Variants in SOX5 observed in about 807,000 individuals in gnomAD.
The protein encoded by SOX5 is SRY-box transcription factor 5.
Under a neutral mutation model 92.0 loss-of-function variants are expected in SOX5, and 9 were observed. The ratio of observed to expected loss-of-function variants is 0.10; its 90% CI spans 0.06 to 0.17. The LOEUF is 0.17. Ranked by LOEUF, SOX5 falls within the 10% of genes least tolerant of loss-of-function variation. The pLI is 1.00. For missense variants in SOX5, 642 were observed against 944.5 expected (o/e 0.68, Z 4.20); for synonymous variants, 344 against 336.3 (o/e 1.02, Z -0.25).
chr12:23,622,272 A>G (rs888328533), intron 8 of SOX5, among the ~76,000 whole-genome samples: 5 of 151,952 alleles, frequency 3.3e-5, no homozygotes, highest in Non-Finnish European at 5.9e-5. Context: ...TCATTTTATG[A>G]CTGCAAATGA....
rs1949969773 is a variant in SOX5 at position 24,134,813 on chromosome 12, A to G, written c.-2+78530T>C. Among the ~76,000 whole-genome samples the G allele has an allele frequency of 2.0e-5, 3 of 152,214 alleles. No homozygotes were observed. In the South Asian group the frequency reaches 6.2e-4, roughly 32 times the overall value. On this transcript the variant is annotated intron_variant, in intron 4 of 4. Transcript: ENST00000446891. ...ATTTATTTGAGATTCACTTTTAAAC[A>G]CTGAACATAAGGAGAACAGTATTCT... is the stretch of plus-strand genomic sequence containing the variant.
chr12:23,940,667 A>G (rs1943453889), intron 1 of SOX5, among the ~76,000 whole-genome samples: 1 of 151,192 alleles, frequency 6.6e-6, no homozygotes, highest in South Asian at 2.1e-4. Flanking sequence ...CATTTCCAAA[A>G]GAATCAATGA....
intron 4 of SOX5, among the ~76,000 whole-genome samples, chr12:24,050,234 T>C (rs908474445): frequency 2.0e-5 from 3 of 152,058 alleles, no homozygotes; most frequent in African/African-American, 7.2e-5. Context: ...GGTAGAAAAA[T>C]CACCAGTCAT....
intron 4 of SOX5, among the ~76,000 whole-genome samples, chr12:23,987,447 A>T (rs1592097607): frequency 6.6e-6 from 1 of 152,174 alleles, no homozygotes; most frequent in East Asian, 1.9e-4. Context: ...GCTGGAGCAT[A>T]GTAGGGTAGC....
At chr12:24,252,041 T>C (rs1258809890) in intron 3 of SOX5, among the ~76,000 whole-genome samples, 1 of 152,122 alleles carries the variant, frequency 6.6e-6, no homozygotes, top group Admixed American at 6.5e-5. Flanking sequence ...CTGCAAATCT[T>C]AATCATTTTT....
rs185530564 is a variant in SOX5, at chr12:24,081,573, C to T, written c.-2+131770G>A. Among the ~76,000 whole-genome samples the T allele has an allele frequency of 1.4e-3, 208 of 151,930 alleles. 1 individual carries two copies. The highest frequency in any genetic ancestry group is 2.3e-3 in the Non-Finnish European group (153 of 67,882). ...ATCACATTCCTTTATTTTTTTTCCT[C>T]CGTAGGACCTTTATTAAATTAGTTC... On this transcript the variant is annotated intron_variant, in intron 4 of 4. Coordinates refer to the SOX5 transcript ENST00000446891.
chr12:24,012,122 T>G (rs1485216844), intron 4 of SOX5, among the ~76,000 whole-genome samples: 1 of 47,048 alleles, frequency 2.1e-5, no homozygotes. Context: ...AATTGCTGAC[T>G]TCAGCAGAAA....
intron 4 of SOX5, among the ~76,000 whole-genome samples, chr12:23,957,322 AG>A (rs1186365465): frequency 6.6e-6 from 1 of 152,164 alleles, no homozygotes; most frequent in East Asian, 1.9e-4. Flanking sequence ...TTTATGACTA[AG>A]TTCATCTATT....
At chr12:24,391,436 T>A (rs1958980856) in intron 1 of SOX5, among the ~76,000 whole-genome samples, 2 of 152,150 alleles carry the variant, frequency 1.3e-5, no homozygotes, top group African/African-American at 4.8e-5. Flanking sequence ...AACTTTTACT[T>A]TCTTCAACTT....
intron 1 of SOX5, among the ~76,000 whole-genome samples, chr12:24,522,886 T>C (rs1030004015): frequency 2.0e-5 from 3 of 152,112 alleles, no homozygotes; most frequent in Non-Finnish European, 4.4e-5. Flanking sequence ...CCACTTTCAT[T>C]TAACATAGTA....
chr12:23,956,632 T>A (rs1179827608), intron 4 of SOX5, among the ~76,000 whole-genome samples: 1 of 152,082 alleles, frequency 6.6e-6, no homozygotes, highest in Non-Finnish European at 1.5e-5. Context: ...ACTGCTGCAC[T>A]AAGGGAGCCT....
intron 4 of SOX5, among the ~76,000 whole-genome samples, chr12:23,977,251 T>C (rs987444442): frequency 6.6e-6 from 1 of 152,180 alleles, no homozygotes; most frequent in African/African-American, 2.4e-5. Flanking sequence ...TAAGGAAACA[T>C]AATTTTGGAA....
intron 3 of SOX5, among the ~76,000 whole-genome samples, chr12:23,779,616 G>A (rs965569016): frequency 6.6e-6 from 1 of 150,922 alleles, no homozygotes; most frequent in Non-Finnish European, 1.5e-5. Flanking sequence ...AAACTAAATT[G>A]TTCATGGTTT....
intron 8 of SOX5, among the ~76,000 whole-genome samples, chr12:23,618,694 C>T (rs770996469): frequency 6.6e-6 from 1 of 152,110 alleles, no homozygotes; most frequent in African/African-American, 2.4e-5. Context: ...AGATGAAAAA[C>T]GAATTGAACA....
At chr12:24,498,605 T>G (rs1472312828) in intron 1 of SOX5, among the ~76,000 whole-genome samples, 1 of 152,224 alleles carries the variant, frequency 6.6e-6, no homozygotes, top group Non-Finnish European at 1.5e-5. Flanking sequence ...ATATACTGAC[T>G]GCCTCCTATC....
At chr12:24,197,858 T>C (rs1285544176) in intron 4 of SOX5, among the ~76,000 whole-genome samples, 2 of 152,148 alleles carry the variant, frequency 1.3e-5, no homozygotes, top group African/African-American at 4.8e-5. Context: ...CTGAATACAA[T>C]TGCTAAGTGA....
At chr12:23,598,683 G>A (rs1952907760) in intron 9 of SOX5, among the ~76,000 whole-genome samples, 2 of 152,016 alleles carry the variant, frequency 1.3e-5, no homozygotes, top group Admixed American at 6.5e-5. Context: ...ACAGGTGTGA[G>A]CCAACGCACC....
At chr12:23,688,275 A>T (rs928293642) in intron 6 of SOX5, among the ~76,000 whole-genome samples, 3 of 152,050 alleles carry the variant, frequency 2.0e-5, no homozygotes, top group Admixed American at 6.6e-5. Flanking sequence ...TTTTTTAGAC[A>T]TGTGACAACA....
At chr12:23,902,468 A>T (rs2097245710) in intron 1 of SOX5, among the ~76,000 whole-genome samples, 1 of 152,176 alleles carries the variant, frequency 6.6e-6, no homozygotes, top group Non-Finnish European at 1.5e-5. Flanking sequence ...GAAAGAGGAA[A>T]CTCAAATTCC....
Sources: allele counts gnomAD v4.1 joint callset (sites outside exome capture counted in the v4.1 genomes callset), GRCh38; gene constraint gnomAD v4.1.1; transcripts MANE v1.5; gene names NCBI Gene and HGNC (gene_info 2026-07-23, HGNC 2026-07-21).